The following AHRR variants were observed in gnomAD, a reference collection of about 807,000 sequenced individuals.
AHRR encodes ahR repressor.
In AHRR, 28 loss-of-function variants were observed where a neutral mutation model predicts 44.0. The ratio of observed to expected loss-of-function variants is 0.64; its 90% CI spans 0.47 to 0.87. The LOEUF (loss-of-function observed/expected upper bound fraction) is 0.87, where lower values mean the gene tolerates loss of function less well. AHRR is among the 40% of genes least tolerant of loss of function. AHRR has a pLI of 0.00. For synonymous variants in AHRR, 434 were observed against 407.0 expected (o/e 1.07, Z -0.80); for missense variants, 990 against 953.9 (o/e 1.04, Z -0.50).
Position 428,839 on chromosome 5 carries a change from G to T in AHRR, c.908+833G>T, listed in dbSNP as rs920624234. 4.6e-5 allele frequency among the ~76,000 whole-genome samples: 7 copies of T among 152,300 alleles called. No homozygotes were observed. In the East Asian group the frequency reaches 9.6e-4, roughly 21 times the overall value. On this transcript the variant is annotated intron_variant, in intron 8 of 10. Coordinates refer to ENST00000684583, the MANE Select transcript of AHRR (RefSeq NM_001377236.1). ...AGATTCTCATGAGCTCGAACCTAGG[G>T]CTCTCCCTCACATGCACAGTTCACA...
At chr5:432,753 G>C in intron 9 of AHRR, 53 bp from the exon 10 acceptor site, 1 of 1,613,606 alleles carries the variant, frequency 6.2e-7, no homozygotes, top group Non-Finnish European at 8.5e-7. Flanking sequence ...CCGTCTTCCA[G>C]GAGCTCCTCA....
At chr5:408,512 G>A in intron 4 of AHRR, among the ~76,000 whole-genome samples, 1 of 151,754 alleles carries the variant, frequency 6.6e-6, no homozygotes, top group Non-Finnish European at 1.5e-5. Flanking sequence ...TATTGAACTA[G>A]CCTTTCATCC....
intron 4 of AHRR, among the ~76,000 whole-genome samples, chr5:392,324 C>G (rs1484371051): frequency 9.5e-5 from 8 of 84,518 alleles, no homozygotes; most frequent in African/African-American, 3.4e-4. Context: ...CGTGCACGGG[C>G]GCAGGGCGAG....
intron 4 of AHRR, among the ~76,000 whole-genome samples, chr5:396,803 C>T (rs1231509738): frequency 4.0e-5 from 6 of 151,804 alleles, no homozygotes; most frequent in East Asian, 3.9e-4. Context: ...GCCCTCTCCC[C>T]GACCCCCACC....
At position 434,684 on chromosome 5, in the gene AHRR, T is replaced by G. The variant is rs1243534586; in HGVS notation, c.1944T>G (p.Ala648=). The G allele has an allele frequency of 6.4e-7, 1 of 1,570,622 alleles. No individual in the cohort carries two copies. ...GRGEQSCTCR[A]AEAAPVVKRE... is the part of the protein sequence containing the mutation. ...GTGAACAGTCCTGCACCTGCAGAGC[T>G]GCTGAGGCCGCCCCTGTGGTCAAGC... Residue 648 remains alanine (A), a synonymous_variant, in exon 11 of 11, where the codon GCT becomes GCG. Transcript: ENST00000684583.
intron 10 of AHRR, 124 bp from the exon 11 acceptor site, chr5:433,729 T>G: frequency 8.6e-7 from 1 of 1,164,930 alleles, no homozygotes; most frequent in Non-Finnish European, 1.1e-6. Flanking sequence ...GAGGGGTCGG[T>G]GTAGCAGCCT....
intron 1 of AHRR, among the ~76,000 whole-genome samples, chr5:333,595 C>CA (rs941410849): frequency 2.0e-4 from 30 of 151,564 alleles, no homozygotes; most frequent in Middle Eastern, 3.4e-3. Flanking sequence ...GACTCCATCT[C>CA]AAAAAAAACA....
At chr5:424,109 G>GACA (rs1736267849) in intron 7 of AHRR, 132 bp downstream of exon 7, 2 of 1,338,146 alleles carry the variant, frequency 1.5e-6, no homozygotes, top group Non-Finnish European at 2.0e-6. Flanking sequence ...ACGGGGGCCG[G>GACA]TGCTGAGCTC....
At chr5:345,135 T>G in intron 2 of AHRR, among the ~76,000 whole-genome samples, 1 of 62,912 alleles carries the variant, frequency 1.6e-5, no homozygotes, top group East Asian at 3.3e-4. Context: ...GATGTGTGTG[T>G]GTGTGTGTGT....
chr5:426,344 ATGGG>A, intron 7 of AHRR, among the ~76,000 whole-genome samples: 1 of 144,954 alleles, frequency 6.9e-6, no homozygotes, highest in Admixed American at 6.8e-5. Flanking sequence ...GGATGGATGG[ATGGG>A]AAGATGGATG....
At chr5:371,510 T>C (rs1743579697) in intron 3 of AHRR, among the ~76,000 whole-genome samples, 1 of 152,120 alleles carries the variant, frequency 6.6e-6, no homozygotes, top group Admixed American at 6.5e-5. Flanking sequence ...CTGCGTCCCA[T>C]TCCCTGGGCA....
chr5:360,416 C>G (rs1743137155), intron 3 of AHRR, among the ~76,000 whole-genome samples: 1 of 152,204 alleles, frequency 6.6e-6, no homozygotes, highest in Admixed American at 6.5e-5. Flanking sequence ...GTGGGGTGCC[C>G]TGCACTACAT....
intron 3 of AHRR, among the ~76,000 whole-genome samples, chr5:360,704 A>G (rs1001644840): frequency 1.3e-5 from 2 of 152,196 alleles, no homozygotes; most frequent in Non-Finnish European, 2.9e-5. Flanking sequence ...GAACGCGAGG[A>G]AAGTGATTCT....
chr5:428,112 G>A, intron 8 of AHRR, 106 bp downstream of exon 8: 3 of 1,300,906 alleles, frequency 2.3e-6, no homozygotes, highest in South Asian at 1.3e-5. Context: ...TTTCCAGCCA[G>A]TAATAAGTCA....
At chr5:331,730 C>G (rs1442398672) in intron 1 of AHRR, among the ~76,000 whole-genome samples, 1 of 152,182 alleles carries the variant, frequency 6.6e-6, no homozygotes, top group Non-Finnish European at 1.5e-5. Context: ...TTCCTCCTGT[C>G]AGATCAGCAG....
At chr5:339,117 C>T (rs1379463671) in intron 1 of AHRR, among the ~76,000 whole-genome samples, 1 of 152,132 alleles carries the variant, frequency 6.6e-6, no homozygotes, top group Non-Finnish European at 1.5e-5. Flanking sequence ...TTCTCTCTCT[C>T]TCTTTTTAAG....
chr5:422,967 C>T, intron 6 of AHRR, 109 bp downstream of exon 6: 2 of 1,398,852 alleles, frequency 1.4e-6, no homozygotes, highest in South Asian at 1.5e-5. Context: ...CTTTGCCTTA[C>T]ACATTGACCT....
At chr5:367,839 T>C in intron 3 of AHRR, 2 of 702,582 alleles carry the variant, frequency 2.8e-6, no homozygotes, top group Middle Eastern at 2.3e-4. Flanking sequence ...ATGCCGAAGA[T>C]GTGGATGACC....
At chr5:418,038 G>C (rs1358898156) in intron 5 of AHRR, among the ~76,000 whole-genome samples, 1 of 152,172 alleles carries the variant, frequency 6.6e-6, no homozygotes, top group Admixed American at 6.5e-5. Context: ...TCAAAGATTA[G>C]AGCTCGTCGA....
Sources: gnomAD v4.1 joint callset for allele counts (sites outside exome capture counted in the v4.1 genomes callset) on GRCh38, gnomAD v4.1.1 for gene constraint, MANE v1.5 for transcripts, NCBI Gene and HGNC (gene_info 2026-07-23, HGNC 2026-07-21) for gene names.